ROCK2: variants seen among roughly 807,000 people sequenced by gnomAD.
The protein encoded by ROCK2 is rho-associated protein kinase 2.
Under a neutral mutation model 195.1 loss-of-function variants are expected in ROCK2, and 61 were observed. That is an observed-to-expected ratio of 0.31 (90% CI 0.25 to 0.39). The LOEUF (loss-of-function observed/expected upper bound fraction) is 0.39. Ranked by LOEUF, ROCK2 falls within the 10% of genes least tolerant of loss-of-function variation. The pLI is 1.00. For synonymous variants in ROCK2, 504 were observed against 545.5 expected (o/e 0.92, Z 1.06); for missense variants, 1,109 against 1,637.4 (o/e 0.68, Z 5.57).
Position 11,197,119 on chromosome 2 carries a change from C to A in ROCK2, c.3448+61G>T, listed in dbSNP as rs442740. 1 of 1,269,374 alleles carries A rather than the reference C, an allele frequency of 7.9e-7. No individual in the cohort carries two copies. Among genetic ancestry groups the A allele is most frequent in the Non-Finnish European group, 1.1e-6 (1 of 936,608 alleles). The allele number at this position is 1,269,374 out of a possible 1,614,324, so 78.6% of individuals were successfully genotyped here. ...TCCTTCAGAGCAGTCAGTCGCAAGA[C>A]TTAAAACAATCAACTGATTTATATT... On this transcript the variant is annotated intron_variant, in intron 27 of 32. Transcript: ENST00000315872. This position sits in a 1 kb window ranked among gnomAD's most constrained non-coding sequence, Gnocchi z 4.9.
chr2:11,345,352 C>T (rs1669272769), upstream of ROCK2, among the ~76,000 whole-genome samples: 1 of 152,108 alleles, frequency 6.6e-6, no homozygotes, highest in Non-Finnish European at 1.5e-5. Context: ...TTTTGGGGGG[C>T]GGAAGAGGGG....
At chr2:11,247,561 T>G (rs533812367) in intron 4 of ROCK2, among the ~76,000 whole-genome samples, 2 of 152,344 alleles carry the variant, frequency 1.3e-5, no homozygotes, top group East Asian at 3.9e-4. Flanking sequence ...CAGATTTTCT[T>G]CTATCTCAAT....
In ROCK2 at chr2:11,278,305, T is replaced by C. The variant is rs998810308; in HGVS notation, c.324+8234A>G. On this transcript the variant is annotated intron_variant, in intron 3 of 32. Transcript: ENST00000315872. Reference sequence around the variant, plus strand: ...TTCTGGATTCCACATATAAGTGATATCATGTGGTATTCTTTCTGTGCCTGG... The same window carrying C: ...TTCTGGATTCCACATATAAGTGATACCATGTGGTATTCTTTCTGTGCCTGG... Among the ~76,000 whole-genome samples, 21 of 152,354 alleles carry C rather than the reference T, an allele frequency of 1.4e-4. No individual in the cohort carries two copies. The Middle Eastern group carries it at 0.014, about 99-fold the overall frequency.
intron 3 of ROCK2, among the ~76,000 whole-genome samples, chr2:11,253,357 G>C (rs1316905293): frequency 6.6e-6 from 1 of 152,086 alleles, no homozygotes; most frequent in Non-Finnish European, 1.5e-5. Context: ...ATGGGTACTG[G>C]AAAGGTATTT....
At chr2:11,208,711 C>A (rs1233755479) in intron 18 of ROCK2, among the ~76,000 whole-genome samples, 1 of 151,544 alleles carries the variant, frequency 6.6e-6, no homozygotes, top group South Asian at 2.1e-4. Context: ...CGTGCCTCGG[C>A]CTCCAGACAT....
At chr2:11,212,618 CA>C (rs1664289119) in intron 17 of ROCK2, among the ~76,000 whole-genome samples, 1 of 152,018 alleles carries the variant, frequency 6.6e-6, no homozygotes, top group African/African-American at 2.4e-5. Context: ...ACATAAACCC[CA>C]AAGGTTTTCT....
chr2:11,317,726 A>G (rs1352062723), intron 1 of ROCK2, among the ~76,000 whole-genome samples: 5 of 148,816 alleles, frequency 3.4e-5, no homozygotes, highest in African/African-American at 5.0e-5. Flanking sequence ...TTAACTCGTC[A>G]TTTACATTAG....
chr2:11,255,796 T>A (rs1429518350), intron 3 of ROCK2, among the ~76,000 whole-genome samples: 1 of 150,228 alleles, frequency 6.7e-6, no homozygotes. Flanking sequence ...GGCATGTGCC[T>A]GTAATCTCAG....
chr2:11,206,991 C>T (rs72785487), intron 20 of ROCK2, among the ~76,000 whole-genome samples: 6,470 of 152,220 alleles, frequency 0.043, 279 homozygotes, highest in Non-Finnish European at 0.06. Context: ...ATCAAACAAC[C>T]GGGATCCAAT....
chr2:11,319,017 T>C (rs1668317878), intron 1 of ROCK2, among the ~76,000 whole-genome samples: 1 of 152,240 alleles, frequency 6.6e-6, no homozygotes, highest in Non-Finnish European at 1.5e-5. Context: ...CCTTGTAGTA[T>C]AGTTTGAAGT....
intron 1 of ROCK2, among the ~76,000 whole-genome samples, chr2:11,289,049 A>T (rs1471618612): frequency 3.9e-5 from 6 of 152,234 alleles, no homozygotes; most frequent in Non-Finnish European, 8.8e-5. Context: ...ATATTATTTA[A>T]TAACAGAAAG....
intron 3 of ROCK2, among the ~76,000 whole-genome samples, chr2:11,276,793 A>G (rs1666842081): frequency 6.6e-6 from 1 of 152,166 alleles, no homozygotes; most frequent in Non-Finnish European, 1.5e-5. Context: ...GTGTGTGTGT[A>G]TGTATACATA....
intron 1 of ROCK2, among the ~76,000 whole-genome samples, chr2:11,303,273 T>C (rs909247516): frequency 2.2e-4 from 33 of 152,214 alleles, no homozygotes; most frequent in Non-Finnish European, 4.1e-4. Flanking sequence ...AAGTTATTTT[T>C]GTACACAGCT....
chr2:11,289,268 A>G (rs957047220), intron 1 of ROCK2, among the ~76,000 whole-genome samples: 19 of 152,184 alleles, frequency 1.2e-4, no homozygotes, highest in African/African-American at 2.6e-4. Context: ...CATAAACAAC[A>G]TCACACACAC....
rs141548341 is a variant in ROCK2, at chr2:11,211,084, T to G, written c.2203+597A>C. On this transcript the variant is annotated intron_variant, in intron 18 of 32. Coordinates refer to ENST00000315872, the MANE Select transcript of ROCK2 (RefSeq NM_004850.5). ...AACAGTCAGTTTGGAAAAGAAAAAA[T>G]TATCCTAAGACAATTCCAGGATAAA... Among the ~76,000 whole-genome samples, 40 of 152,248 alleles carry G rather than the reference T, an allele frequency of 2.6e-4. 1 individual carries two copies. In the East Asian group the frequency reaches 7.5e-3, roughly 29 times the overall value.
At chr2:11,184,592 TG>T in intron 32 of ROCK2, 10 of 978,602 alleles carry the variant, frequency 1.0e-5, no homozygotes, top group Non-Finnish European at 1.2e-5. Context: ...TAAAAAATAA[TG>T]AAAGCCCAAG....
At chr2:11,295,108 T>A (rs528625844) in intron 1 of ROCK2, among the ~76,000 whole-genome samples, 1 of 146,182 alleles carries the variant, frequency 6.8e-6, no homozygotes, top group Admixed American at 7.2e-5. Context: ...AGATTTCTTA[T>A]GGCTTATAAA....
chr2:11,263,526 A>G (rs1666305341), intron 3 of ROCK2, among the ~76,000 whole-genome samples: 1 of 152,096 alleles, frequency 6.6e-6, no homozygotes, highest in South Asian at 2.1e-4. Context: ...TGAACTATGT[A>G]GAACAGCTAT....
At chr2:11,185,729 CA>C (rs1188051099) in intron 32 of ROCK2, among the ~76,000 whole-genome samples, 3 of 150,932 alleles carry the variant, frequency 2.0e-5, no homozygotes, top group Non-Finnish European at 4.4e-5. Flanking sequence ...GACTTCGTCT[CA>C]AAAAATTAAT....
Sources: allele counts gnomAD v4.1 joint callset (sites outside exome capture counted in the v4.1 genomes callset), GRCh38; gene constraint gnomAD v4.1.1; non-coding constraint Gnocchi (gnomAD v3.1); transcripts MANE v1.5; gene names NCBI Gene and HGNC (gene_info 2026-07-23, HGNC 2026-07-21).